PCLO: variants seen among roughly 807,000 people sequenced by gnomAD.
PCLO encodes the protein protein piccolo.
PCLO carries 82 observed loss-of-function variants against 427.5 expected under a neutral mutation model. The observed-to-expected ratio is 0.19, with a 90% CI of 0.16 to 0.23. PCLO has a LOEUF of 0.23. Ranked by LOEUF, PCLO falls within the 10% of genes least tolerant of loss-of-function variation. The pLI, the probability that PCLO is intolerant of heterozygous loss-of-function variation, is 1.00. For synonymous variants in PCLO, 2,357 were observed against 2,155.4 expected, an observed-to-expected ratio of 1.09 and a Z score of -2.59; for missense variants, 6,239 against 6,115.9, an observed-to-expected ratio of 1.02 and a Z score of -0.67.
intron 3 of PCLO, among the ~76,000 whole-genome samples, chr7:83,069,506 A>G (rs1405818147): frequency 6.6e-6 from 1 of 152,212 alleles, no homozygotes; most frequent in Non-Finnish European, 1.5e-5. Flanking sequence ...AGTTTTAAAA[A>G]GAATTACCTT....
Position 82,916,118 on chromosome 7 carries a change from C to T in PCLO, c.11868G>A (p.Met3956Ile). 6 of 1,613,638 alleles carry T rather than the reference C, an allele frequency of 3.7e-6. No homozygotes were observed. Among genetic ancestry groups the T allele is most frequent in the Non-Finnish European group, 5.1e-6 (6 of 1,179,734 alleles). ...GCCGTGGCTTCTGTTGTATCACCATCATCTGTGAAGGTAACTGATAAGAAG... is the reference window on the plus strand; with the variant it reads ...GCCGTGGCTTCTGTTGTATCACCATTATCTGTGAAGGTAACTGATAAGAAG... ...PQPSYQLPSQ[M>I]MVIQQKPRQT... Residue 3956 changes from methionine to isoleucine, a missense_variant, in exon 7 of 25, where the codon ATG becomes ATA. This residue lies in a region of PCLO where 680 missense variants were observed against 677.3 expected (regional missense o/e 1.00). Coordinates refer to ENST00000333891, the MANE Select transcript of PCLO (RefSeq NM_033026.6).
chr7:83,032,392 C>T (rs925259137), intron 3 of PCLO, among the ~76,000 whole-genome samples: 5 of 148,248 alleles, frequency 3.4e-5, no homozygotes, highest in African/African-American at 1.3e-4. Context: ...CCCCTCACTC[C>T]CCTCACTCCC....
chr7:83,090,325 T>A (rs976990215), intron 3 of PCLO, among the ~76,000 whole-genome samples: 6 of 152,158 alleles, frequency 3.9e-5, no homozygotes, highest in Non-Finnish European at 8.8e-5. Flanking sequence ...ACAGCACATA[T>A]AGCCAGAAAT....
chr7:83,040,118 G>A (rs80261656), intron 3 of PCLO, among the ~76,000 whole-genome samples: 1,577 of 151,966 alleles, frequency 0.01, 22 homozygotes, highest in African/African-American at 0.036. Flanking sequence ...TATAGGTCAT[G>A]TTTTCTTTTT....
chr7:82,996,632 C>A (rs41580), intron 3 of PCLO, among the ~76,000 whole-genome samples: 35,863 of 151,978 alleles, frequency 0.24, 5,147 homozygotes, highest in Middle Eastern at 0.4. Flanking sequence ...AATACACAAT[C>A]TCTTTTGTGG....
At chr7:82,806,033 A>G (rs1297510032) in intron 20 of PCLO, among the ~76,000 whole-genome samples, 1 of 152,230 alleles carries the variant, frequency 6.6e-6, no homozygotes, top group Non-Finnish European at 1.5e-5. Context: ...TTTATTGGAC[A>G]TCAAGGAAAA....
rs370477999 is a variant in PCLO, at chr7:82,949,919, C to G, written c.10669G>C (p.Glu3557Gln). The stretch of plus-strand genomic sequence containing the variant: ...AAACTGCCCCCTTTGTAAGTCTTTT[C>G]AGGTGCTGAAATGTGTTTAATTATT... ...VEIIKHISAP[E>Q]KTYKGGSLGC... Residue 3557 changes from glutamate to glutamine, a missense_variant, in exon 6 of 25, where the codon GAA (glutamate) becomes CAA (glutamine). Physicochemically the swap from Glu to Gln is conservative, Grantham distance 29 (BLOSUM62 2). Transcript: ENST00000333891. 1 of 1,613,720 alleles carries G rather than the reference C, an allele frequency of 6.2e-7. No homozygotes were observed. The highest frequency in any genetic ancestry group is 1.1e-5 in the South Asian group (1 of 91,054).
intron 3 of PCLO, among the ~76,000 whole-genome samples, chr7:83,038,073 T>TATATATTTA (rs1562933256): frequency 4.3e-5 from 2 of 46,184 alleles, no homozygotes; most frequent in African/African-American, 1.7e-4. Flanking sequence ...ATTTATATAT[T>TATATATTTA]TATATATATA....
At chr7:83,053,408 T>C (rs1157474338) in intron 3 of PCLO, among the ~76,000 whole-genome samples, 1 of 151,880 alleles carries the variant, frequency 6.6e-6, no homozygotes, top group Non-Finnish European at 1.5e-5. Flanking sequence ...CAAACCTATA[T>C]CCCAATAACT....
intron 10 of PCLO, among the ~76,000 whole-genome samples, chr7:82,860,430 T>A (rs533923169): frequency 6.6e-6 from 1 of 151,884 alleles, no homozygotes; most frequent in South Asian, 2.1e-4. Context: ...AAGAAAAAAA[T>A]CTTTTACGTT....
In PCLO at chr7:82,852,319, T is replaced by C. The variant is rs188868681; in HGVS notation, c.13655-5072A>G. Among the ~76,000 whole-genome samples the C allele has an allele frequency of 2.0e-3, 309 of 152,216 alleles. 1 individual carries two copies. Among genetic ancestry groups the C allele is most frequent in the Admixed American group, 3.3e-3 (51 of 15,270 alleles). Reference sequence around the variant, plus strand: ...TCTGTGAGGGTGTTGCCAAATCAGATTAACATTTTAGTCAATGAGCTGGGA... The same window carrying C: ...TCTGTGAGGGTGTTGCCAAATCAGACTAACATTTTAGTCAATGAGCTGGGA... On this transcript the variant is annotated intron_variant, in intron 10 of 24. Coordinates refer to ENST00000333891, the MANE Select transcript of PCLO (RefSeq NM_033026.6).
chr7:82,914,895 A>T lies in PCLO; in HGVS notation c.13091T>A (p.Leu4364His). 1 of 1,613,622 alleles carries T rather than the reference A, an allele frequency of 6.2e-7. No homozygotes were observed. Among genetic ancestry groups the T allele is most frequent in the Non-Finnish European group, 8.5e-7 (1 of 1,179,738 alleles). Reference sequence around the variant, plus strand: ...TCCCATTGGCTGGCCAACAGGACTGAGTGGGCTTTCTTCTTCAGAATTCTG... The same window carrying T: ...TCCCATTGGCTGGCCAACAGGACTGTGTGGGCTTTCTTCTTCAGAATTCTG... ...VAQNSEEESP[L>H]SPVGQPMGMA... The change falls in exon 7 of 25, where the codon CTC becomes CAC. Residue 4364 changes from leucine to histidine, a missense_variant. Coordinates refer to ENST00000333891, the MANE Select transcript of PCLO (RefSeq NM_033026.6).
At chr7:83,128,976 G>T (rs1791507782) in intron 3 of PCLO, among the ~76,000 whole-genome samples, 1 of 152,084 alleles carries the variant, frequency 6.6e-6, no homozygotes, top group Admixed American at 6.6e-5. Context: ...ATGTTACCTG[G>T]ATGTTATGCA....
intron 3 of PCLO, among the ~76,000 whole-genome samples, chr7:83,019,514 T>C (rs1788289943): frequency 6.6e-6 from 1 of 151,842 alleles, no homozygotes. Flanking sequence ...GTGGGTATAT[T>C]TTCAAAAGTC....
intron 22 of PCLO, among the ~76,000 whole-genome samples, chr7:82,789,226 T>C (rs1562786897): frequency 6.6e-6 from 1 of 152,146 alleles, no homozygotes; most frequent in Non-Finnish European, 1.5e-5. Flanking sequence ...CATAAATCAA[T>C]GAGCAACAGC....
chr7:82,956,963 A>C (rs746364020), intron 4 of PCLO, 28 bp from the exon 5 acceptor site: 102 of 1,526,272 alleles, frequency 6.7e-5, no homozygotes, highest in Non-Finnish European at 8.4e-5. Context: ...GATACAGGAA[A>C]ACTTAACATG....
intron 2 of PCLO, among the ~76,000 whole-genome samples, chr7:83,149,951 T>G (rs916698998): frequency 3.9e-5 from 6 of 152,194 alleles, no homozygotes; most frequent in Non-Finnish European, 7.3e-5. Flanking sequence ...AGACAAAATA[T>G]CTGGCTTCTG....
chr7:83,030,919 T>G (rs1788650617), intron 3 of PCLO, among the ~76,000 whole-genome samples: 1 of 152,150 alleles, frequency 6.6e-6, no homozygotes, highest in Non-Finnish European at 1.5e-5. Context: ...ATTTTTGTAC[T>G]TGGTTCAAAA....
intron 16 of PCLO, among the ~76,000 whole-genome samples, chr7:82,835,287 T>A (rs1792204696): frequency 6.6e-6 from 1 of 152,128 alleles, no homozygotes; most frequent in African/African-American, 2.4e-5. Flanking sequence ...CATTAATTAC[T>A]TTTGAAAAAT....
Sources: gnomAD v4.1 joint callset for allele counts (sites outside exome capture counted in the v4.1 genomes callset) on GRCh38, gnomAD v4.1.1 for gene constraint, gnomAD v4.1.1 regional missense constraint, MANE v1.5 for transcripts, NCBI Gene and HGNC (gene_info 2026-07-23, HGNC 2026-07-21) for gene names.